PRKD3: variants seen among roughly 807,000 people sequenced by gnomAD.
The protein encoded by PRKD3 is serine/threonine-protein kinase D3.
PRKD3 carries 47 observed loss-of-function variants against 99.2 expected under a neutral mutation model. That is an observed-to-expected ratio of 0.47 (90% CI 0.38 to 0.60). The LOEUF is 0.60. PRKD3 is among the 20% of genes least tolerant of loss of function. The pLI is 0.00. For synonymous variants in PRKD3, 392 were observed against 355.4 expected (o/e 1.10, Z -1.16); for missense variants, 1,019 against 1,088.4 (o/e 0.94, Z 0.90).
chr2:37,299,506 T>A (rs957032334), intron 2 of PRKD3, among the ~76,000 whole-genome samples: 25 of 123,676 alleles, frequency 2.0e-4, no homozygotes, highest in Non-Finnish European at 8.2e-5. Flanking sequence ...CCACCTCTAC[T>A]AAAATACACA....
chr2:37,258,921 T>C (rs955433659), intron 16 of PRKD3, among the ~76,000 whole-genome samples: 2 of 152,212 alleles, frequency 1.3e-5, no homozygotes, highest in African/African-American at 4.8e-5. Flanking sequence ...GAATCATCCT[T>C]GCCAATTATG....
chr2:37,293,060 T>C (rs1670508184), intron 3 of PRKD3, 73 bp downstream of exon 3: 10 of 1,349,246 alleles, frequency 7.4e-6, no homozygotes, highest in Admixed American at 4.2e-5. Context: ...TATAATCGAA[T>C]TGCAGCATTT....
chr2:37,263,443 C>T (rs1668615305), intron 14 of PRKD3, among the ~76,000 whole-genome samples: 1 of 152,094 alleles, frequency 6.6e-6, no homozygotes, highest in African/African-American at 2.4e-5. Context: ...TTAGATCTAC[C>T]TTACTATGTT....
intron 14 of PRKD3, among the ~76,000 whole-genome samples, chr2:37,265,948 A>G (rs1668807220): frequency 2.0e-5 from 3 of 152,252 alleles, no homozygotes; most frequent in African/African-American, 7.2e-5. Context: ...AAATCAATCC[A>G]TAGGAATATA....
rs190323599 is a variant in PRKD3, at chr2:37,290,889, G to A, written c.538C>T (p.Arg180Cys). 11 of 1,604,950 alleles carry A rather than the reference G, an allele frequency of 6.9e-6. 1 individual carries two copies. Among genetic ancestry groups the A allele is most frequent in the South Asian group, 2.2e-5 (2 of 90,550 alleles). Residue 180 changes from arginine to cysteine, a missense_variant, in exon 4 of 19, where the codon CGT becomes TGT. Transcript: ENST00000234179. The stretch of plus-strand genomic sequence containing the variant: ...ACACCTTCACATTTCAGTCCTTGAC[G>A]TACCAATCCCCAGAGCATCTCACCA... ...YCGEMLWGLVRQGLKCEGCGL... is the reference protein window; with the variant it reads ...YCGEMLWGLVCQGLKCEGCGL...
chr2:37,260,178 T>G (rs753301836), intron 15 of PRKD3, 45 bp downstream of exon 15: 1 of 1,495,148 alleles, frequency 6.7e-7, no homozygotes, highest in Non-Finnish European at 9.1e-7. Context: ...AAAAAAAAAA[T>G]TAGTTTTTAA....
Position 37,274,440 on chromosome 2 carries a change from T to C in PRKD3, c.1632A>G (p.Pro544=). The part of the protein sequence containing the change: ...VTPQASVCTS[P]GQGKDHKDLS... ...GCTTACTGTGATCTTTCCCTTGCCC[T>C]GGAGAAGTGCAAACACTTGCTTGAG... Residue 544 remains proline, a synonymous_variant, in exon 11 of 19, where the codon CCA becomes CCG. Coordinates refer to ENST00000234179, the MANE Select transcript of PRKD3 (RefSeq NM_005813.6). 2 of 1,614,126 alleles carry C rather than the reference T, an allele frequency of 1.2e-6. No individual in the cohort carries two copies. Among genetic ancestry groups the C allele is most frequent in the Non-Finnish European group, 1.7e-6 (2 of 1,179,984 alleles).
intron 6 of PRKD3, among the ~76,000 whole-genome samples, chr2:37,285,970 T>C (rs1572664483): frequency 6.6e-6 from 1 of 152,224 alleles, no homozygotes; most frequent in Non-Finnish European, 1.5e-5. Flanking sequence ...TGTTCTACTA[T>C]AGTGCCTGGC....
rs1670936996 is a variant in PRKD3 at position 37,301,640 on chromosome 2, A to G, written c.289-8369T>C. Among the ~76,000 whole-genome samples, 5 of 152,274 alleles carry G rather than the reference A, an allele frequency of 3.3e-5. No individual in the cohort carries two copies. The South Asian group carries it at 1.0e-3, about 32-fold the overall frequency. ...ACTCTGCTATGCTCACAGAGTCAAA[A>G]GGGGCGGGGGCAGAAACCTGTACTA... On this transcript the variant is annotated intron_variant, in intron 2 of 18. Coordinates refer to ENST00000234179, the MANE Select transcript of PRKD3 (RefSeq NM_005813.6).
Position 37,257,257 on chromosome 2 carries a change from TTG to T in PRKD3, c.2146-330_2146-329del, listed in dbSNP as rs1041301840. 3.0e-4 allele frequency among the ~76,000 whole-genome samples: 46 copies of T among 152,292 alleles called. 1 individual carries two copies. The Middle Eastern group carries it at 0.041, about 135-fold the overall frequency. ...AGTATGCTGCTTTCTATCATTTGTC[TTG>T]TAAGATCACTCTTCCATCATCTGTG... On this transcript the variant is annotated intron_variant, in intron 16 of 18. Coordinates refer to ENST00000234179, the MANE Select transcript of PRKD3 (RefSeq NM_005813.6).
At chr2:37,292,571 C>G (rs558435493) in intron 3 of PRKD3, among the ~76,000 whole-genome samples, 5 of 152,090 alleles carry the variant, frequency 3.3e-5, no homozygotes, top group African/African-American at 4.8e-5. Flanking sequence ...TGGTCTTGAT[C>G]TCCTGACCTC....
intron 5 of PRKD3, among the ~76,000 whole-genome samples, chr2:37,287,954 C>T (rs1253140673): frequency 3.3e-5 from 5 of 152,172 alleles, no homozygotes; most frequent in Non-Finnish European, 5.9e-5. Flanking sequence ...ACCCTGAAAG[C>T]CCTTCCATGC....
intron 7 of PRKD3, chr2:37,282,296 G>A (rs184060167): frequency 2.2e-6 from 1 of 448,218 alleles, no homozygotes; most frequent in African/African-American, 2.0e-5. Flanking sequence ...AAATGAAAGA[G>A]GATATGGAGT....
At position 37,251,506 on chromosome 2, in the gene PRKD3, T is replaced by G. The variant is rs1363188770; in HGVS notation, c.*1671A>C. On this transcript the variant is annotated 3_prime_UTR_variant, in exon 19 of 19. Coordinates refer to ENST00000234179, the MANE Select transcript of PRKD3 (RefSeq NM_005813.6). ...CATAAAAGAACTTAGAACACAGGAG[T>G]ACTGCATACTGTTTGCTACTATTCT... 6.6e-6 allele frequency: 1 copy of G among 152,464 alleles called. No individual in the cohort carries two copies. The highest frequency in any genetic ancestry group is 2.1e-4 in the South Asian group (1 of 4,828). The allele number at this position is 152,464 out of a possible 1,614,324, so 9.4% of individuals were successfully genotyped here.
intron 11 of PRKD3, 109 bp downstream of exon 11, chr2:37,274,312 A>C (rs1669450086): frequency 3.9e-6 from 5 of 1,286,204 alleles, no homozygotes; most frequent in Non-Finnish European, 4.3e-6. Flanking sequence ...TTGGTTACTA[A>C]AGACTAAGCT....
At chr2:37,315,685 C>A (rs1671626963) in intron 2 of PRKD3, among the ~76,000 whole-genome samples, 1 of 152,188 alleles carries the variant, frequency 6.6e-6, no homozygotes, top group Admixed American at 6.5e-5. Context: ...GAGAGACAAA[C>A]AGAAGAGTGA....
intron 2 of PRKD3, among the ~76,000 whole-genome samples, chr2:37,305,802 A>T (rs990391172): frequency 6.6e-6 from 1 of 152,214 alleles, no homozygotes; most frequent in African/African-American, 2.4e-5. Context: ...TTCCATATCT[A>T]AACAGATTTT....
intron 14 of PRKD3, among the ~76,000 whole-genome samples, chr2:37,263,116 G>A (rs1350873212): frequency 6.6e-6 from 1 of 151,926 alleles, no homozygotes; most frequent in Non-Finnish European, 1.5e-5. Flanking sequence ...TCAACTCCTT[G>A]AGTTAGATTC....
intron 2 of PRKD3, among the ~76,000 whole-genome samples, chr2:37,300,359 C>T (rs552426061): frequency 3.3e-5 from 5 of 152,090 alleles, no homozygotes; most frequent in East Asian, 3.9e-4. Context: ...AGAATGATGA[C>T]TACCAGAGGC....
Sources: gnomAD v4.1 joint callset for allele counts (sites outside exome capture counted in the v4.1 genomes callset) on GRCh38, gnomAD v4.1.1 for gene constraint, MANE v1.5 for transcripts, NCBI Gene and HGNC (gene_info 2026-07-23, HGNC 2026-07-21) for gene names.